Variants in DHCR24 observed in about 807,000 individuals in gnomAD.
The protein encoded by DHCR24 is 24-dehydrocholesterol reductase.
A neutral mutation model predicts 61.2 loss-of-function variants in DHCR24; 28 were observed. The ratio of observed to expected loss-of-function variants is 0.46; its 90% confidence interval spans 0.34 to 0.63. The LOEUF is 0.63. DHCR24 is among the 20% of genes least tolerant of loss of function. The pLI is 0.01. For synonymous variants in DHCR24, 261 were observed against 275.9 expected (o/e 0.95, Z 0.54); for missense variants, 538 against 679.1 (o/e 0.79, Z 2.31).
At chr1:54,868,044 T>C (rs1157676434) in intron 5 of DHCR24, among the ~76,000 whole-genome samples, 1 of 152,240 alleles carries the variant, frequency 6.6e-6, no homozygotes, top group Non-Finnish European at 1.5e-5. Context: ...CTCATTTCCT[T>C]ATTTGTAGAG....
intron 6 of DHCR24, 62 bp from the exon 7 acceptor site, chr1:54,854,296 G>C (rs1646895006): frequency 8.8e-6 from 13 of 1,474,790 alleles, no homozygotes; most frequent in Non-Finnish European, 9.4e-7. Context: ...GTCTCCAAGT[G>C]CAAGGGGCCA....
intron 6 of DHCR24, among the ~76,000 whole-genome samples, chr1:54,855,558 G>C (rs888386351): frequency 6.6e-6 from 1 of 152,112 alleles, no homozygotes; most frequent in African/African-American, 2.4e-5. Context: ...GGGAAGAGTG[G>C]GGACAAACAG....
intron 1 of DHCR24, among the ~76,000 whole-genome samples, chr1:54,886,194 C>A (rs1358436071): frequency 6.6e-6 from 1 of 152,142 alleles, no homozygotes; most frequent in Non-Finnish European, 1.5e-5. Context: ...CCACTGTGAG[C>A]CACAGCAGGT....
intron 5 of DHCR24, 122 bp downstream of exon 5, chr1:54,871,228 G>T (rs529514111): frequency 2.5e-6 from 3 of 1,184,780 alleles, no homozygotes; most frequent in African/African-American, 3.0e-5. Flanking sequence ...ACCCCAGGTG[G>T]GTTGACCCAG....
chr1:54,875,292 T>C, intron 3 of DHCR24, 81 bp from the exon 4 acceptor site: 1 of 1,229,892 alleles, frequency 8.1e-7, no homozygotes, highest in Non-Finnish European at 1.2e-6. Context: ...GGGGGCCTCC[T>C]AGCATGAGGG....
intron 5 of DHCR24, among the ~76,000 whole-genome samples, chr1:54,866,319 C>T (rs972460693): frequency 1.3e-5 from 2 of 151,834 alleles, no homozygotes; most frequent in East Asian, 1.9e-4. Flanking sequence ...AAATTACATA[C>T]ATATGCCCAC....
intron 4 of DHCR24, 107 bp from the exon 5 acceptor site, chr1:54,871,720 C>T (rs1299394601): frequency 2.1e-6 from 3 of 1,458,650 alleles, no homozygotes; most frequent in Admixed American, 1.9e-5. Context: ...CTCTCACTCT[C>T]TTGTATAAAC....
chr1:54,883,130 ACT>A lies in DHCR24; in HGVS notation c.387+486_387+487del, dbSNP rs1647073256. Among the ~76,000 whole-genome samples the A allele has an allele frequency of 6.6e-6, 1 of 151,984 alleles. No homozygotes were observed. The highest frequency in any genetic ancestry group is 1.5e-5 in the Non-Finnish European group (1 of 68,008). ...TTAGAAATAAAGCTGTGATATAATCACTCTGTGTTGGGTATCTTTATACTGAA... is the reference window on the plus strand; with the variant it reads ...TTAGAAATAAAGCTGTGATATAATCACTGTGTTGGGTATCTTTATACTGAA... On this transcript the variant is annotated intron_variant, in intron 2 of 8. Transcript: ENST00000371269. The surrounding 1 kb of genome is among the most constrained non-coding windows in gnomAD (Gnocchi z 4.3).
chr1:54,862,674 C>G (rs962656261), intron 6 of DHCR24, among the ~76,000 whole-genome samples: 1 of 152,186 alleles, frequency 6.6e-6, no homozygotes, highest in African/African-American at 2.4e-5. Flanking sequence ...CCAACCTCCA[C>G]TGAACTCCTG....
At position 54,852,516 on chromosome 1, in the gene DHCR24, C is replaced by T. The variant is rs1646881737; in HGVS notation, c.1398-130G>A. 23 of 1,029,338 alleles carry T rather than the reference C, an allele frequency of 2.2e-5. No homozygotes were observed. In the South Asian group the frequency reaches 2.9e-4, roughly 13 times the overall value. The allele number at this position is 1,029,338 out of a possible 1,614,324, so 63.8% of individuals were successfully genotyped here. ...GATTTCTCTTGTTTAACCCCGTTAACCTGGTGAAGAAGATGGTGCAGGTAT... is the reference window on the plus strand; with the variant it reads ...GATTTCTCTTGTTTAACCCCGTTAATCTGGTGAAGAAGATGGTGCAGGTAT... On this transcript the variant is annotated intron_variant, in intron 8 of 8. Transcript: ENST00000371269.
chr1:54,875,229 A>G lies in DHCR24; in HGVS notation c.494-18T>C, dbSNP rs1258924114. 1 of 1,611,266 alleles carries G rather than the reference A, an allele frequency of 6.2e-7. No homozygotes were observed. Among genetic ancestry groups the G allele is most frequent in the East Asian group, 2.2e-5 (1 of 44,864 alleles). ...CAAGCCCCCTGCAGAGACATCACAC[A>G]CAGTGTCAGCAGGGAGAGCTGTGGG... On this transcript the variant is annotated intron_variant, in intron 3 of 8. Transcript: ENST00000371269.
At chr1:54,879,762 AT>A (rs1420418880) in intron 2 of DHCR24, among the ~76,000 whole-genome samples, 2 of 152,184 alleles carry the variant, frequency 1.3e-5, no homozygotes, top group Non-Finnish European at 2.9e-5. Context: ...TAAATAATCC[AT>A]GGGTCAAAGC....
At chr1:54,885,750 G>A (rs1033619719) in intron 1 of DHCR24, among the ~76,000 whole-genome samples, 1 of 152,130 alleles carries the variant, frequency 6.6e-6, no homozygotes, top group Non-Finnish European at 1.5e-5. Context: ...GGCCACAGGC[G>A]AGTCACATAA....
chr1:54,870,560 G>A (rs1361796624), intron 5 of DHCR24, among the ~76,000 whole-genome samples: 1 of 152,154 alleles, frequency 6.6e-6, no homozygotes, highest in African/African-American at 2.4e-5. Context: ...ATCATCTCTA[G>A]ATTTCTCACA....
intron 5 of DHCR24, 94 bp downstream of exon 5, chr1:54,871,256 G>A: frequency 6.6e-7 from 1 of 1,523,842 alleles, no homozygotes; most frequent in Non-Finnish European, 9.0e-7. Context: ...CCTTGAAGAG[G>A]TGGCTGCCAG....
intron 6 of DHCR24, among the ~76,000 whole-genome samples, chr1:54,857,948 C>T (rs1250162419): frequency 2.0e-5 from 3 of 152,252 alleles, no homozygotes; most frequent in South Asian, 2.1e-4. Flanking sequence ...GGGCTTAGCA[C>T]GCAGGCCTGG....
intron 6 of DHCR24, among the ~76,000 whole-genome samples, chr1:54,863,898 T>C (rs892207528): frequency 2.0e-5 from 3 of 152,106 alleles, no homozygotes; most frequent in Admixed American, 6.5e-5. Context: ...AGGATTCAAA[T>C]AGACTTTTCA....
chr1:54,869,682 G>A (rs1422693649), intron 5 of DHCR24, among the ~76,000 whole-genome samples: 1 of 152,048 alleles, frequency 6.6e-6, no homozygotes, highest in African/African-American at 2.4e-5. Context: ...TGGGAAGACT[G>A]CTTGAGGCCA....
intron 6 of DHCR24, among the ~76,000 whole-genome samples, chr1:54,863,243 C>T (rs921661565): frequency 1.3e-5 from 2 of 152,174 alleles, no homozygotes; most frequent in African/African-American, 4.8e-5. Flanking sequence ...TATCTTCTTT[C>T]TTCTACTCTT....
Sources: gnomAD v4.1 joint callset for allele counts (sites outside exome capture counted in the v4.1 genomes callset) on GRCh38, gnomAD v4.1.1 for gene constraint, Gnocchi (gnomAD v3.1) non-coding constraint, MANE v1.5 for transcripts, NCBI Gene and HGNC (gene_info 2026-07-23, HGNC 2026-07-21) for gene names.